Variants in IQSEC1 observed in about 807,000 individuals in gnomAD.
IQSEC1 encodes IQ motif and SEC7 domain-containing protein 1.
A neutral mutation model predicts 91.0 loss-of-function variants in IQSEC1; 31 were observed. That is an observed-to-expected ratio of 0.34 (90% confidence interval 0.26 to 0.46). The LOEUF (loss-of-function observed/expected upper bound fraction) is 0.46, where lower values mean the gene tolerates loss of function less well. Ranked by LOEUF, IQSEC1 falls within the 20% of genes least tolerant of loss-of-function variation. The pLI, the probability that IQSEC1 is intolerant of heterozygous loss-of-function variation, is 1.00. For missense variants in IQSEC1, 1,388 were observed against 1,575.6 expected, an observed-to-expected ratio of 0.88 and a Z score of 2.02; for synonymous variants, 699 against 662.6, an observed-to-expected ratio of 1.05 and a Z score of -0.84.
At position 12,924,671 on chromosome 3, in the gene IQSEC1, T is replaced by C; in HGVS notation, c.1640A>G (p.His547Arg). Residue 547 changes from histidine to arginine, a missense_variant, in exon 4 of 14, where the codon CAC becomes CGC. Physicochemically the swap from His to Arg is conservative, Grantham distance 29. Transcript: ENST00000613206. The surrounding 1 kb of genome is among the most constrained non-coding windows in gnomAD (Gnocchi z 6.3). ...FVPDTPVGVA[H>R]FLLQRKGLSR... ...GAGGCCCTTGCGCTGCAGCAGGAAG[T>C]GGGCCACCCCGACGGGCGTGTCGGG... The C allele has an allele frequency of 6.2e-7, 1 of 1,610,224 alleles. No homozygotes were observed. Among genetic ancestry groups the C allele is most frequent in the Non-Finnish European group, 8.5e-7 (1 of 1,178,182 alleles).
chr3:13,155,598 T>C lies in IQSEC1; in HGVS notation c.302+8506A>G, dbSNP rs527925821. Among the ~76,000 whole-genome samples, 65 of 152,262 alleles carry C rather than the reference T, an allele frequency of 4.3e-4. 1 individual carries two copies. In the South Asian group the frequency reaches 0.012, roughly 29 times the overall value. On this transcript the variant is annotated intron_variant, in intron 2 of 15. Transcript: ENST00000648114. ...CTCCAACTCTTCCAAAAACTTCAAG[T>C]AGGGAGTGCTTCCTACATCATTCTG...
intron 1 of IQSEC1, among the ~76,000 whole-genome samples, chr3:13,057,650 A>C (rs1471575056): frequency 6.6e-6 from 1 of 152,182 alleles, no homozygotes; most frequent in African/African-American, 2.4e-5. Flanking sequence ...ACAATGAGCA[A>C]GGATTAGGCT....
intron 1 of IQSEC1, among the ~76,000 whole-genome samples, chr3:13,071,144 T>C (rs78437928): frequency 2.1e-4 from 10 of 47,006 alleles, no homozygotes; most frequent in Non-Finnish European, 2.9e-4. Context: ...ACCCACACAG[T>C]TTTTTTTTGT....
At chr3:12,905,312 G>A (rs1336742775) in intron 12 of IQSEC1, among the ~76,000 whole-genome samples, 2 of 152,238 alleles carry the variant, frequency 1.3e-5, no homozygotes, top group Non-Finnish European at 2.9e-5. Flanking sequence ...AGGGCAGGGC[G>A]TAACGTGGCA....
rs981944131 is a variant in IQSEC1, at chr3:13,214,029, C to T, written c.273-49896G>A. ...CGGGCTCTTCCTGGTCCCTCCCCGC[C>T]ACCCGGCTCCTTCCTCTGATAGGCC... On this transcript the variant is annotated intron_variant, in intron 1 of 15. Transcript: ENST00000648114. This position sits in a 1 kb window ranked among gnomAD's most constrained non-coding sequence, Gnocchi z 4.5. 2.0e-4 allele frequency among the ~76,000 whole-genome samples: 31 copies of T among 152,270 alleles called. 3 individuals carry two copies. The highest frequency in any genetic ancestry group is 8.5e-4 in the Admixed American group (13 of 15,296).
chr3:13,193,379 T>C lies in IQSEC1; in HGVS notation c.273-29246A>G, dbSNP rs956363994. On this transcript the variant is annotated intron_variant, in intron 1 of 15. Transcript: ENST00000648114. This position sits in a 1 kb window ranked among gnomAD's most constrained non-coding sequence, Gnocchi z 4.2. ...GGGAGGTCTGAAATCCACCAGTGAGTTTTAAACTAGGAAGGTAAAGATCAG... is the reference window on the plus strand; with the variant it reads ...GGGAGGTCTGAAATCCACCAGTGAGCTTTAAACTAGGAAGGTAAAGATCAG... Among the ~76,000 whole-genome samples, 2 of 151,924 alleles carry C rather than the reference T, an allele frequency of 1.3e-5. No homozygotes were observed. Among genetic ancestry groups the C allele is most frequent in the Non-Finnish European group, 2.9e-5 (2 of 67,986 alleles).
chr3:12,908,603 G>C lies in IQSEC1; in HGVS notation c.2579-78C>G. The C allele has an allele frequency of 6.7e-7, 1 of 1,483,128 alleles. No homozygotes were observed. Among genetic ancestry groups the C allele is most frequent in the Non-Finnish European group, 9.3e-7 (1 of 1,072,726 alleles). 91.9% of individuals were successfully genotyped at this position (1,483,128 alleles called of 1,614,324 possible). ...CAGGAGACGGGGCCTTCTGCTTGGAGCTAGCACTGTCCTGAGCCACCATCT... is the reference window on the plus strand; with the variant it reads ...CAGGAGACGGGGCCTTCTGCTTGGACCTAGCACTGTCCTGAGCCACCATCT... On this transcript the variant is annotated intron_variant, in intron 11 of 13. Transcript: ENST00000613206. The surrounding 1 kb of genome is among the most constrained non-coding windows in gnomAD (Gnocchi z 4.9).
intron 9 of IQSEC1, among the ~76,000 whole-genome samples, chr3:12,913,004 C>T (rs1208613022): frequency 4.6e-5 from 7 of 152,226 alleles, no homozygotes; most frequent in South Asian, 2.1e-4. Context: ...GGATGTGCAG[C>T]GACAAGCGCT....
intron 2 of IQSEC1, among the ~76,000 whole-genome samples, chr3:13,157,864 T>C (rs145905853): frequency 1.2e-3 from 189 of 152,304 alleles, no homozygotes; most frequent in African/African-American, 4.4e-3. Flanking sequence ...ATTTAATTGG[T>C]CCATGGCCTT....
At chr3:12,969,372 G>A (rs1559685475) in intron 1 of IQSEC1, among the ~76,000 whole-genome samples, 1 of 152,142 alleles carries the variant, frequency 6.6e-6, no homozygotes. Flanking sequence ...AATCAAGACC[G>A]CAATACCACC....
In IQSEC1 at chr3:12,935,776, TG is replaced by T; in HGVS notation, c.1239del (p.Lys414ArgfsTer105). On this transcript the variant is annotated frameshift_variant, in exon 3 of 14. Transcript: ENST00000613206. LOFTEE classifies it high-confidence loss of function. This position sits in a 1 kb window ranked among gnomAD's most constrained non-coding sequence, Gnocchi z 8.0. ...TCAGGCTCCTCCCGGGGGAGGCTCT[TG>T]GGGGCGCCGCTGTGGGGACCATGCT... ...SPKHGPHSGA[P>X]KSLPREEPEL... The T allele has an allele frequency of 6.2e-7, 1 of 1,607,230 alleles. No individual in the cohort carries two copies.
At chr3:13,271,371 C>T (rs1486157042) in intron 1 of IQSEC1, among the ~76,000 whole-genome samples, 2 of 151,506 alleles carry the variant, frequency 1.3e-5, no homozygotes, top group East Asian at 1.9e-4. Flanking sequence ...AGCAAGACTC[C>T]GTCTCAAAAA....
In IQSEC1 at chr3:12,924,459, G is replaced by T; in HGVS notation, c.1730+122C>A. The T allele has an allele frequency of 1.0e-6, 1 of 995,260 alleles. No individual in the cohort carries two copies. Among genetic ancestry groups the T allele is most frequent in the South Asian group, 1.8e-5 (1 of 56,104 alleles). The allele number at this position is 995,260 out of a possible 1,614,324, so 61.7% of individuals were successfully genotyped here. Reference sequence around the variant, plus strand: ...TCTAGGACTTAGGAAGAGAGAAAGGGGGGCCCACCACATGTCCCAGCAAGT... The same window carrying T: ...TCTAGGACTTAGGAAGAGAGAAAGGTGGGCCCACCACATGTCCCAGCAAGT... On this transcript the variant is annotated intron_variant, in intron 4 of 13. Coordinates refer to ENST00000613206, the MANE Select transcript of IQSEC1 (RefSeq NM_001134382.3). The surrounding 1 kb of genome is among the most constrained non-coding windows in gnomAD (Gnocchi z 6.3).
intron 1 of IQSEC1, among the ~76,000 whole-genome samples, chr3:13,033,656 G>A (rs1703929584): frequency 6.6e-6 from 1 of 152,164 alleles, no homozygotes. Flanking sequence ...ATGCCAGCAG[G>A]CTTGAGACCC....
At chr3:13,036,651 GC>G (rs1704047187) in intron 1 of IQSEC1, among the ~76,000 whole-genome samples, 1 of 152,146 alleles carries the variant, frequency 6.6e-6, no homozygotes, top group South Asian at 2.1e-4. Flanking sequence ...GTGCCCGACA[GC>G]CCTGGATGAG....
intron 2 of IQSEC1, among the ~76,000 whole-genome samples, chr3:13,111,638 C>T (rs764438466): frequency 2.6e-5 from 4 of 152,058 alleles, no homozygotes; most frequent in Non-Finnish European, 5.9e-5. Context: ...GGGGTGGGGC[C>T]TTTGGGAGGT....
chr3:12,940,843 T>G lies in IQSEC1; in HGVS notation c.318+728A>C, dbSNP rs1116553. 0.15 allele frequency among the ~76,000 whole-genome samples: 22,092 copies of G among 152,242 alleles called. 1,680 individuals carry two copies. Among genetic ancestry groups the G allele is most frequent in the African/African-American group, 0.18 (7,636 of 41,528 alleles). ...TGGAGGGACTTGGAAGCGAGAGCTC[T>G]TGGCCTCCCCAGGGACCGCTCAGGG... On this transcript the variant is annotated intron_variant, in intron 2 of 13. Coordinates refer to ENST00000613206, the MANE Select transcript of IQSEC1 (RefSeq NM_001134382.3). This position sits in a 1 kb window ranked among gnomAD's most constrained non-coding sequence, Gnocchi z 4.4.
chr3:12,936,719 G>C (rs886711199), intron 2 of IQSEC1, 22 bp from the exon 3 acceptor site: 4 of 1,548,530 alleles, frequency 2.6e-6, no homozygotes, highest in Non-Finnish European at 3.5e-6. Flanking sequence ...AGAGGAGAAT[G>C]AGAACAGCAC....
chr3:13,031,499 G>A (rs1266040424), intron 1 of IQSEC1, among the ~76,000 whole-genome samples: 1 of 152,198 alleles, frequency 6.6e-6, no homozygotes, highest in Non-Finnish European at 1.5e-5. Context: ...AGGTCTCCCG[G>A]CAAGCCCATG....
Sources: gnomAD v4.1 joint callset for allele counts (sites outside exome capture counted in the v4.1 genomes callset) on GRCh38, gnomAD v4.1.1 for gene constraint, Gnocchi (gnomAD v3.1) non-coding constraint, MANE v1.5 for transcripts, NCBI Gene and HGNC (gene_info 2026-07-23, HGNC 2026-07-21) for gene names.